Variants in MATN3 observed in about 807,000 individuals in gnomAD.
MATN3 encodes the protein matrilin 3.
MATN3 carries 48 observed loss-of-function variants against 45.3 expected under a neutral mutation model. That is an observed-to-expected ratio of 1.06 (90% CI 0.84 to 1.35). MATN3 has a LOEUF of 1.35. Among genes scored for constraint, MATN3 ranks in the 40% most tolerant of loss-of-function variants. The probability of loss-of-function intolerance (pLI) is 0.00; values close to 1 mark genes in which losing one functional copy is unlikely to be tolerated. For missense variants in MATN3, 599 were observed against 628.0 expected (o/e 0.95, Z 0.49); for synonymous variants, 217 against 245.9 (o/e 0.88, Z 1.10).
chr2:20,003,915 G>T (rs1432097292), intron 2 of MATN3: 2 of 152,076 alleles, frequency 1.3e-5, no homozygotes, highest in Admixed American at 1.3e-4. Flanking sequence ...AATACAAACA[G>T]GTAAAAAGAA....
At chr2:19,999,556 T>C (rs1023322017) in intron 5 of MATN3, among the ~76,000 whole-genome samples, 3 of 151,042 alleles carry the variant, frequency 2.0e-5, no homozygotes, top group Non-Finnish European at 4.4e-5. Context: ...GGCTTCTTTG[T>C]ATGCTCCCAA....
At chr2:19,999,550 T>A (rs1424899955) in intron 5 of MATN3, among the ~76,000 whole-genome samples, 2 of 151,392 alleles carry the variant, frequency 1.3e-5, no homozygotes, top group African/African-American at 4.9e-5. Context: ...AACTTAGGCT[T>A]CTTTGTATGC....
intron 4 of MATN3, among the ~76,000 whole-genome samples, chr2:20,001,400 C>T (rs1281486435): frequency 1.3e-5 from 2 of 152,164 alleles, no homozygotes; most frequent in East Asian, 1.9e-4. Context: ...ATGACTTTCA[C>T]GTTTCTGAGA....
At chr2:20,009,682 A>G (rs1400666356) in intron 1 of MATN3, among the ~76,000 whole-genome samples, 1 of 152,202 alleles carries the variant, frequency 6.6e-6, no homozygotes, top group Non-Finnish European at 1.5e-5. Context: ...AATAGGAAAC[A>G]TTTGTCATCT....
chr2:19,993,462 T>C (rs1572378921), intron 7 of MATN3, among the ~76,000 whole-genome samples: 1 of 152,208 alleles, frequency 6.6e-6, no homozygotes, highest in Admixed American at 6.5e-5. Flanking sequence ...GAAGTATTGA[T>C]TAAAGGGATA....
chr2:19,994,436 T>A, intron 6 of MATN3, 27 bp from the exon 7 acceptor site: 1 of 1,287,400 alleles, frequency 7.8e-7, no homozygotes, highest in South Asian at 1.2e-5. Context: ...TACACAAATA[T>A]ACTATCTAGG....
At chr2:20,000,330 A>C in intron 5 of MATN3, 111 bp downstream of exon 5, 1 of 924,000 alleles carries the variant, frequency 1.1e-6, no homozygotes, top group South Asian at 1.9e-5. Context: ...GTGTGATAGA[A>C]TGTCTGAACC....
chr2:20,000,026 G>C (rs1672954774), intron 5 of MATN3, among the ~76,000 whole-genome samples: 1 of 152,158 alleles, frequency 6.6e-6, no homozygotes, highest in Non-Finnish European at 1.5e-5. Flanking sequence ...AAATCATCCA[G>C]CTTTAAGATT....
chr2:19,994,771 G>A (rs1421013814), intron 6 of MATN3, among the ~76,000 whole-genome samples: 2 of 152,158 alleles, frequency 1.3e-5, no homozygotes, highest in African/African-American at 2.4e-5. Flanking sequence ...ATAAGACAAT[G>A]TTTATGTAAT....
In MATN3 at chr2:20,003,254, A is replaced by G; in HGVS notation, c.823T>C (p.Cys275Arg). The change falls in exon 3 of 8, where the codon TGC (cysteine) becomes CGC (arginine). Residue 275 changes from cysteine to arginine, a missense_variant. Transcript: ENST00000407540. ...LDPCVLGTHQ[C>R]QHVCISDGEG... is the part of the protein sequence containing the mutation. ...CCATCACTGATGCAGACGTGCTGGC[A>G]CTGGTGTGTTCCAAGCACACAGGGG... 1 of 1,613,948 alleles carries G rather than the reference A, an allele frequency of 6.2e-7. No homozygotes were observed. The highest frequency in any genetic ancestry group is 8.5e-7 in the Non-Finnish European group (1 of 1,179,838).
intron 1 of MATN3, among the ~76,000 whole-genome samples, chr2:20,007,080 T>C (rs184930875): frequency 0.012 from 1,797 of 152,178 alleles, 16 homozygotes; most frequent in Middle Eastern, 0.024. Context: ...TGGTAGTGGG[T>C]GCCTGTATTC....
In MATN3 at chr2:20,005,895, A is replaced by G; in HGVS notation, c.639T>C (p.Ser213=). ...VNEVAARAQA[S]GIELYAVGVD... ...CGCCCACAGCATAGAGCTCAATACC[A>G]GATGCTTGGGCCCGAGCCGCCACCT... The change falls in exon 2 of 8, where the codon TCT becomes TCC. Residue 213 remains serine (S), a synonymous_variant. Transcript: ENST00000407540. The G allele has an allele frequency of 1.2e-6, 2 of 1,610,344 alleles. No individual in the cohort carries two copies. The highest frequency in any genetic ancestry group is 1.7e-6 in the Non-Finnish European group (2 of 1,178,366).
chr2:19,992,853 T>C lies in MATN3; in HGVS notation c.*258A>G. On this transcript the variant is annotated 3_prime_UTR_variant, in exon 8 of 8. Coordinates refer to ENST00000407540, the MANE Select transcript of MATN3 (RefSeq NM_002381.5). The stretch of plus-strand genomic sequence containing the variant: ...GAAACACTAAACTTTTCATTCTATT[T>C]CCTACCAATCATTTCACAGTCATAA... 2.3e-6 allele frequency: 1 copy of C among 432,136 alleles called. No individual in the cohort carries two copies. The highest frequency in any genetic ancestry group is 4.1e-6 in the Non-Finnish European group (1 of 246,334). 26.8% of individuals were successfully genotyped at this position (432,136 alleles called of 1,614,324 possible).
chr2:20,005,980 G>T lies in MATN3; in HGVS notation c.554C>A (p.Ser185Tyr), dbSNP rs767490056. 1.4e-5 allele frequency: 22 copies of T among 1,614,016 alleles called. No individual in the cohort carries two copies. In the East Asian group the frequency reaches 4.7e-4, roughly 34 times the overall value. The change falls in exon 2 of 8, where the codon TCT (serine) becomes TAT (tyrosine). Residue 185 changes from serine to tyrosine, a missense_variant. Physicochemically the swap from Ser to Tyr is moderately radical, Grantham distance 144 (BLOSUM62 -2). Coordinates refer to ENST00000407540, the MANE Select transcript of MATN3 (RefSeq NM_002381.5). Reference sequence around the variant, plus strand: ...AATGATGGCCACCTTAGGGATGTTAGAAGAGGGCTCTCGAGCCCCTGCCTC... The same window carrying T: ...AATGATGGCCACCTTAGGGATGTTATAAGAGGGCTCTCGAGCCCCTGCCTC... ...TVEAGAREPS[S>Y]NIPKVAIIVT...
intron 5 of MATN3, among the ~76,000 whole-genome samples, chr2:19,998,982 C>T (rs773963406): frequency 6.6e-5 from 10 of 151,994 alleles, no homozygotes; most frequent in South Asian, 2.1e-4. Context: ...TTCCTCCTAA[C>T]GTTGCTGTGA....
intron 2 of MATN3, among the ~76,000 whole-genome samples, chr2:20,003,775 G>T (rs149074441): frequency 6.6e-6 from 1 of 152,330 alleles, no homozygotes; most frequent in East Asian, 1.9e-4. Context: ...AGCCTAGAAC[G>T]AACTCACAGG....
intron 4 of MATN3, among the ~76,000 whole-genome samples, chr2:20,001,401 G>A (rs907583051): frequency 2.6e-5 from 4 of 152,084 alleles, no homozygotes; most frequent in Admixed American, 6.6e-5. Context: ...TGACTTTCAC[G>A]TTTCTGAGAA....
At chr2:20,007,066 G>T (rs966020067) in intron 1 of MATN3, among the ~76,000 whole-genome samples, 1 of 152,078 alleles carries the variant, frequency 6.6e-6, no homozygotes, top group Admixed American at 6.6e-5. Flanking sequence ...AAATTAGCCG[G>T]GCGTGGTAGT....
intron 4 of MATN3, among the ~76,000 whole-genome samples, chr2:20,001,613 G>T (rs1025774266): frequency 2.0e-5 from 3 of 152,142 alleles, no homozygotes; most frequent in African/African-American, 7.2e-5. Flanking sequence ...GGTGATGTCT[G>T]CCAGTTTCTC....
Sources: allele counts gnomAD v4.1 joint callset (sites outside exome capture counted in the v4.1 genomes callset), GRCh38; gene constraint gnomAD v4.1.1; transcripts MANE v1.5; gene names NCBI Gene and HGNC (gene_info 2026-07-23, HGNC 2026-07-21).